Variants in NAV1 observed in about 807,000 individuals in gnomAD.
The protein encoded by NAV1 is neuron navigator 1, also known as pore membrane and/or filament interacting like protein 3.
In NAV1, 18 loss-of-function variants were observed where a neutral mutation model predicts 175.2. That is an observed-to-expected ratio of 0.10 (90% confidence interval 0.07 to 0.15). The LOEUF (loss-of-function observed/expected upper bound fraction) is 0.15. Among genes scored for constraint, NAV1 ranks in the 10% least tolerant of loss-of-function variants. The probability of loss-of-function intolerance (pLI) is 1.00; values close to 1 mark genes in which losing one functional copy is unlikely to be tolerated. For synonymous variants in NAV1, 897 were observed against 978.7 expected (o/e 0.92, Z 1.56); for missense variants, 1,731 against 2,436.6 (o/e 0.71, Z 6.10).
intron 25 of NAV1, 66 bp from the exon 30 acceptor site, chr1:201,811,837 T>C: frequency 6.2e-7 from 1 of 1,611,592 alleles, no homozygotes; most frequent in South Asian, 1.1e-5. Context: ...ATGAGTTGTG[T>C]GCATGTGGCA....
upstream of NAV1, among the ~76,000 whole-genome samples, chr1:201,621,825 T>A (rs1668180684): frequency 6.6e-6 from 1 of 152,230 alleles, no homozygotes; most frequent in African/African-American, 2.4e-5. Context: ...GTTCTGAACA[T>A]TTTTTATGGC....
intron 15 of NAV1, among the ~76,000 whole-genome samples, chr1:201,800,817 C>CTATTTT (rs1677810333): frequency 1.1e-5 from 1 of 90,788 alleles, no homozygotes; most frequent in Non-Finnish European, 2.0e-5. Flanking sequence ...CTTGGTGTAT[C>CTATTTT]TTTTTTTTTT....
chr1:201,686,107 C>A (rs1020924833), intron 1 of NAV1, among the ~76,000 whole-genome samples: 1 of 152,108 alleles, frequency 6.6e-6, no homozygotes, highest in African/African-American at 2.4e-5. Flanking sequence ...GAGATGCACA[C>A]CTAATAAGCA....
At chr1:201,705,584 C>T (rs997926806) in intron 1 of NAV1, among the ~76,000 whole-genome samples, 10 of 152,090 alleles carry the variant, frequency 6.6e-5, no homozygotes, top group South Asian at 2.1e-4. Flanking sequence ...TGCCATGCTG[C>T]GGGGGTTCGG....
intron 2 of NAV1, among the ~76,000 whole-genome samples, chr1:201,636,775 G>A (rs952006577): frequency 6.6e-6 from 1 of 152,176 alleles, no homozygotes; most frequent in African/African-American, 2.4e-5. Flanking sequence ...AGCCCCAGTG[G>A]AAGTGGAAGG....
At chr1:201,790,661 G>A in intron 12 of NAV1, 28 bp from the exon 17 acceptor site, 1 of 1,613,974 alleles carries the variant, frequency 6.2e-7, no homozygotes, top group South Asian at 1.1e-5. Flanking sequence ...TCTGCAGCCA[G>A]TAGTTTGTAT....
At chr1:201,790,465 C>G in intron 11 of NAV1, 89 bp from the exon 16 acceptor site, 5 of 1,462,860 alleles carry the variant, frequency 3.4e-6, no homozygotes, top group Non-Finnish European at 4.8e-6. Flanking sequence ...TTCACATTTC[C>G]TACCCTGCCA....
chr1:201,561,690 G>T (rs1666204589), intron 1 of NAV1, among the ~76,000 whole-genome samples: 1 of 152,202 alleles, frequency 6.6e-6, no homozygotes, highest in South Asian at 2.1e-4. Context: ...GCTTCCTGGG[G>T]GCAGGGTTCT....
At chr1:201,648,650 T>C (rs932202753) in exon 1 of NAV1, 25 of 1,369,762 alleles carry the variant, frequency 1.8e-5, no homozygotes, top group Non-Finnish European at 2.2e-5. Context: ...GGATCGTCCA[T>C]GCGCTCCTCG....
chr1:201,683,798 C>A (rs770395552), intron 1 of NAV1, among the ~76,000 whole-genome samples: 2 of 151,880 alleles, frequency 1.3e-5, no homozygotes, highest in Non-Finnish European at 2.9e-5. Flanking sequence ...CCCTCCCGCC[C>A]TCCCCCATTT....
intron 1 of NAV1, among the ~76,000 whole-genome samples, chr1:201,709,299 G>A (rs1482945039): frequency 6.6e-6 from 1 of 152,176 alleles, no homozygotes; most frequent in Non-Finnish European, 1.5e-5. Flanking sequence ...GGTGGTCAGA[G>A]GTGGGGTAAG....
chr1:201,785,824 G>A lies in NAV1; in HGVS notation c.2846+473G>A, dbSNP rs1043720416. Among the ~76,000 whole-genome samples the A allele has an allele frequency of 6.7e-5, 8 of 119,416 alleles. No individual in the cohort carries two copies. The East Asian group carries it at 9.9e-4, about 15-fold the overall frequency. 78.3% of individuals were successfully genotyped at this position (119,416 alleles called of 152,430 possible). ...TTTTTTTTTTTTGAGACGGAGTCTCGCTCTGTCACCCAGGCTGGAGTGCAG... is the reference window on the plus strand; with the variant it reads ...TTTTTTTTTTTTGAGACGGAGTCTCACTCTGTCACCCAGGCTGGAGTGCAG... On this transcript the variant is annotated intron_variant, in intron 8 of 29. Coordinates refer to ENST00000367296, the Ensembl canonical transcript of NAV1.
exon 30 of NAV1, chr1:201,826,327 A>T (rs1205152262): frequency 6.6e-6 from 1 of 152,320 alleles, no homozygotes; most frequent in East Asian, 1.9e-4. Flanking sequence ...CACGAAGATG[A>T]TATCAAGGCA....
intron 2 of NAV1, among the ~76,000 whole-genome samples, chr1:201,590,693 A>C (rs543324139): frequency 6.6e-6 from 1 of 152,344 alleles, no homozygotes; most frequent in East Asian, 1.9e-4. Context: ...GCCAGGAGTC[A>C]GAGCATCTAG....
intron 3 of NAV1, among the ~76,000 whole-genome samples, chr1:201,762,873 T>A (rs1195874454): frequency 6.6e-6 from 1 of 152,168 alleles, no homozygotes; most frequent in Non-Finnish European, 1.5e-5. Context: ...AGAATATGGG[T>A]GAGACAGTGG....
intron 2 of NAV1, among the ~76,000 whole-genome samples, chr1:201,632,284 G>C (rs1668499754): frequency 6.6e-6 from 1 of 152,220 alleles, no homozygotes; most frequent in Non-Finnish European, 1.5e-5. Context: ...GGGCACTGGG[G>C]ATGTTCTTCA....
chr1:201,624,336 C>CTTTTTTTTTT (rs1188885818), intron 1 of NAV1, among the ~76,000 whole-genome samples: 1 of 79,444 alleles, frequency 1.3e-5, no homozygotes, highest in African/African-American at 5.4e-5. Context: ...GTCAACTACG[C>CTTTTTTTTTT]TTTTTTTTTT....
At chr1:201,803,328 C>T (rs1453460851) in intron 15 of NAV1, among the ~76,000 whole-genome samples, 1 of 152,202 alleles carries the variant, frequency 6.6e-6, no homozygotes, top group African/African-American at 2.4e-5. Flanking sequence ...CTGATTCAAG[C>T]TGAGTCCATG....
chr1:201,594,706 G>A (rs2102220046), intron 2 of NAV1, among the ~76,000 whole-genome samples: 1 of 152,338 alleles, frequency 6.6e-6, no homozygotes, highest in East Asian at 1.9e-4. Context: ...GGGGCTGTGG[G>A]GTTTACGGGG....
Sources: allele counts gnomAD v4.1 joint callset (sites outside exome capture counted in the v4.1 genomes callset), GRCh38; gene constraint gnomAD v4.1.1; transcripts MANE v1.5; gene names NCBI Gene and HGNC (gene_info 2026-07-23, HGNC 2026-07-21).